Variants in PCDH15 observed in about 807,000 individuals in gnomAD.
The protein encoded by PCDH15 is protocadherin-15.
In PCDH15, 129 loss-of-function variants were observed where a neutral mutation model predicts 178.5. The observed-to-expected ratio is 0.72, with a 90% CI of 0.63 to 0.84. PCDH15 has a LOEUF of 0.84. Among genes scored for constraint, PCDH15 ranks in the 40% least tolerant of loss-of-function variants. The probability of loss-of-function intolerance (pLI) is 0.00; values close to 1 mark genes in which losing one functional copy is unlikely to be tolerated. For synonymous variants in PCDH15, 800 were observed against 732.0 expected (o/e 1.09, Z -1.50); for missense variants, 2,230 against 2,099.9 (o/e 1.06, Z -1.21).
At chr10:53,834,642 A>G (rs2077202750) in intron 29 of PCDH15, among the ~76,000 whole-genome samples, 2 of 152,100 alleles carry the variant, frequency 1.3e-5, no homozygotes, top group South Asian at 4.1e-4. Context: ...TGAATTGATT[A>G]CTGCTATGTT....
intron 3 of PCDH15, 33 bp from the exon 4 acceptor site, chr10:54,378,975 T>C (rs1235036338): frequency 1.2e-6 from 2 of 1,611,218 alleles, no homozygotes; most frequent in South Asian, 1.1e-5. Context: ...TGAAAACATA[T>C]TCTACTCATA....
intron 2 of PCDH15, among the ~76,000 whole-genome samples, chr10:54,537,112 C>T (rs1300463158): frequency 1.3e-5 from 2 of 148,194 alleles, no homozygotes; most frequent in Non-Finnish European, 3.0e-5. Context: ...CAGTCTTCTG[C>T]CTCAGCCTCC....
intron 2 of PCDH15, among the ~76,000 whole-genome samples, chr10:54,544,027 T>C (rs778440153): frequency 3.9e-5 from 6 of 152,170 alleles, no homozygotes; most frequent in Non-Finnish European, 5.9e-5. Flanking sequence ...AAAGAAAACA[T>C]TGAATTTAGA....
chr10:54,996,180 T>G (rs1564699695), intron 2 of PCDH15, among the ~76,000 whole-genome samples: 1 of 152,116 alleles, frequency 6.6e-6, no homozygotes, highest in Non-Finnish European at 1.5e-5. Context: ...GGCTTCACCA[T>G]TTTTTCGCCA....
intron 2 of PCDH15, among the ~76,000 whole-genome samples, chr10:55,379,378 A>C (rs1837479998): frequency 6.6e-6 from 1 of 152,072 alleles, no homozygotes; most frequent in South Asian, 2.1e-4. Flanking sequence ...AAAGAGAAAA[A>C]GTGGAAAAAA....
intron 25 of PCDH15, among the ~76,000 whole-genome samples, chr10:53,930,063 T>C (rs1157051801): frequency 2.6e-5 from 4 of 152,116 alleles, no homozygotes. Flanking sequence ...CAAGTAACAT[T>C]ATATCCTAAA....
chr10:54,472,626 G>C (rs973136313), intron 3 of PCDH15, among the ~76,000 whole-genome samples: 2 of 152,190 alleles, frequency 1.3e-5, no homozygotes, highest in Admixed American at 6.6e-5. Flanking sequence ...GAACATATAA[G>C]AGACACAAAT....
At chr10:55,564,175 T>G (rs1046093037) in intron 2 of PCDH15, among the ~76,000 whole-genome samples, 17 of 151,756 alleles carry the variant, frequency 1.1e-4, no homozygotes, top group African/African-American at 3.9e-4. Flanking sequence ...TAGAGAATAC[T>G]AATATATTTA....
chr10:53,836,468 C>T (rs1326545249), intron 29 of PCDH15, among the ~76,000 whole-genome samples: 1 of 152,066 alleles, frequency 6.6e-6, no homozygotes, highest in Non-Finnish European at 1.5e-5. Context: ...ATAGAGAGCA[C>T]TGAGAGCTGA....
chr10:53,963,741 C>A (rs1186922282), intron 21 of PCDH15, among the ~76,000 whole-genome samples: 2 of 152,090 alleles, frequency 1.3e-5, no homozygotes, highest in African/African-American at 4.8e-5. Flanking sequence ...AATCATTGAT[C>A]CTTTCTCTTA....
chr10:55,311,347 TA>T (rs931749968), intron 1 of PCDH15, among the ~76,000 whole-genome samples: 10 of 152,184 alleles, frequency 6.6e-5, no homozygotes, highest in African/African-American at 1.9e-4. Context: ...GAGATTCCCC[TA>T]AAGCAGGAAG....
At chr10:54,356,747 A>T (rs1945047979) in intron 5 of PCDH15, among the ~76,000 whole-genome samples, 1 of 152,072 alleles carries the variant, frequency 6.6e-6, no homozygotes, top group South Asian at 2.1e-4. Flanking sequence ...GGTAAATAAA[A>T]GTAATTGTTA....
intron 21 of PCDH15, among the ~76,000 whole-genome samples, chr10:53,970,701 A>T (rs910990802): frequency 6.6e-6 from 1 of 152,152 alleles, no homozygotes; most frequent in African/African-American, 2.4e-5. Flanking sequence ...GAAATGGATG[A>T]ATTCCTGGAC....
chr10:54,573,153 T>C (rs919190432), intron 2 of PCDH15, among the ~76,000 whole-genome samples: 2 of 152,068 alleles, frequency 1.3e-5, no homozygotes, highest in African/African-American at 4.8e-5. Flanking sequence ...ATTTCAGGAG[T>C]GGATAAAGGA....
chr10:53,966,628 TG>T, intron 21 of PCDH15, among the ~76,000 whole-genome samples: 1 of 152,166 alleles, frequency 6.6e-6, no homozygotes, highest in East Asian at 1.9e-4. Flanking sequence ...GCTTTAATCT[TG>T]GAAAAAATTG....
intron 1 of PCDH15, among the ~76,000 whole-genome samples, chr10:55,250,048 T>C (rs989523949): frequency 3.3e-5 from 5 of 152,172 alleles, no homozygotes; most frequent in African/African-American, 9.7e-5. Flanking sequence ...CTCTAGAGTC[T>C]AAAACAAATG....
chr10:54,729,504 A>G (rs1348061452), intron 1 of PCDH15, among the ~76,000 whole-genome samples: 1 of 151,722 alleles, frequency 6.6e-6, no homozygotes, highest in Non-Finnish European at 1.5e-5. Context: ...CAAGGATTTT[A>G]TGACTACGAC....
rs543884741 is a variant in PCDH15, at chr10:53,803,928, T to C, written c.*2651A>G. ...AAATAACAACCAATTTCTTTATAAATATTTACATTGAAACGTTATTTATAT... is the reference window on the plus strand; with the variant it reads ...AAATAACAACCAATTTCTTTATAAACATTTACATTGAAACGTTATTTATAT... On this transcript the variant is annotated 3_prime_UTR_variant, in exon 38 of 38. Transcript: ENST00000644397. 1 of 152,080 alleles carries C rather than the reference T, an allele frequency of 6.6e-6. No individual in the cohort carries two copies. Among genetic ancestry groups the C allele is most frequent in the East Asian group, 1.9e-4 (1 of 5,180 alleles). 9.4% of individuals were successfully genotyped at this position (152,080 alleles called of 1,614,324 possible). A position where few individuals can be genotyped will look rare whatever the true frequency, so the allele number is the denominator to read the frequency against.
intron 18 of PCDH15, among the ~76,000 whole-genome samples, chr10:54,028,739 G>A (rs978099934): frequency 8.7e-5 from 13 of 148,616 alleles, no homozygotes; most frequent in African/African-American, 3.0e-4. Flanking sequence ...ATTGAACAAT[G>A]AGATCACATG....
Sources: gnomAD v4.1 joint callset for allele counts (sites outside exome capture counted in the v4.1 genomes callset) on GRCh38, gnomAD v4.1.1 for gene constraint, MANE v1.5 for transcripts, NCBI Gene and HGNC (gene_info 2026-07-23, HGNC 2026-07-21) for gene names.